Variants in CCDC93 observed in about 807,000 individuals in gnomAD.
CCDC93 encodes the protein CCC complex scaffolding subunit CCDC93.
A neutral mutation model predicts 108.2 loss-of-function variants in CCDC93; 61 were observed. That is an observed-to-expected ratio of 0.56 (90% CI 0.46 to 0.70). The LOEUF (loss-of-function observed/expected upper bound fraction) is 0.70. CCDC93 is among the 30% of genes least tolerant of loss of function. CCDC93 has a pLI of 0.00. For synonymous variants in CCDC93, 276 were observed against 260.4 expected (o/e 1.06, Z -0.58); for missense variants, 685 against 764.2 (o/e 0.90, Z 1.22).
chr2:117,962,773 T>C (rs894080112), intron 11 of CCDC93, among the ~76,000 whole-genome samples: 1 of 152,252 alleles, frequency 6.6e-6, no homozygotes, highest in Non-Finnish European at 1.5e-5. Flanking sequence ...AATCCAGGAA[T>C]GTATATGTAC....
chr2:117,951,942 T>C (rs1679069444), intron 13 of CCDC93, among the ~76,000 whole-genome samples: 2 of 152,276 alleles, frequency 1.3e-5, no homozygotes, highest in Middle Eastern at 3.4e-3. Flanking sequence ...TGAACAATTA[T>C]ATCACTCTGA....
intron 23 of CCDC93, among the ~76,000 whole-genome samples, chr2:117,923,441 T>C (rs1490914536): frequency 6.6e-6 from 1 of 152,200 alleles, no homozygotes; most frequent in Non-Finnish European, 1.5e-5. Flanking sequence ...TCCAACGGTC[T>C]TAGCAAATGG....
chr2:117,954,467 T>C (rs1679156277), intron 12 of CCDC93, among the ~76,000 whole-genome samples: 1 of 152,198 alleles, frequency 6.6e-6, no homozygotes, highest in African/African-American at 2.4e-5. Flanking sequence ...CTGATCATCT[T>C]TTCTTAAATA....
rs1456601466 is a variant in CCDC93 at position 117,996,257 on chromosome 2, T to C, written c.462+7A>G. ...GTGGGACAAGAAAATAAAATCACAATACTGACCTCAGGGAGACTGTAAGTC... is the reference window on the plus strand; with the variant it reads ...GTGGGACAAGAAAATAAAATCACAACACTGACCTCAGGGAGACTGTAAGTC... On this transcript the variant is annotated splice_region_variant and intron_variant, in intron 5 of 23. Coordinates refer to ENST00000376300, the MANE Select transcript of CCDC93 (RefSeq NM_019044.5). 1 of 1,571,428 alleles carries C rather than the reference T, an allele frequency of 6.4e-7. No individual in the cohort carries two copies. The highest frequency in any genetic ancestry group is 8.8e-7 in the Non-Finnish European group (1 of 1,141,404).
intron 12 of CCDC93, among the ~76,000 whole-genome samples, chr2:117,958,115 G>C (rs1028201843): frequency 1.3e-5 from 2 of 152,172 alleles, no homozygotes; most frequent in African/African-American, 4.8e-5. Flanking sequence ...GGGCTGGATA[G>C]TAAATATTTT....
At chr2:117,986,546 C>A (rs1019976447) in intron 6 of CCDC93, among the ~76,000 whole-genome samples, 2 of 152,128 alleles carry the variant, frequency 1.3e-5, no homozygotes, top group African/African-American at 2.4e-5. Flanking sequence ...GGGTTTACTG[C>A]ATCTAATCAT....
chr2:117,936,387 T>A (rs2104722351), intron 21 of CCDC93: 1 of 251,480 alleles, frequency 4.0e-6, no homozygotes, highest in Admixed American at 5.1e-5. Flanking sequence ...TTTTAAAGCA[T>A]CTCTATGTGT....
chr2:117,960,710 A>G (rs1679364752), intron 11 of CCDC93, among the ~76,000 whole-genome samples: 1 of 152,212 alleles, frequency 6.6e-6, no homozygotes, highest in Non-Finnish European at 1.5e-5. Flanking sequence ...CTCAATTTTG[A>G]GCCACATGCT....
intron 7 of CCDC93, among the ~76,000 whole-genome samples, chr2:117,984,036 T>A (rs896562493): frequency 6.6e-6 from 1 of 152,214 alleles, no homozygotes; most frequent in African/African-American, 2.4e-5. Flanking sequence ...TTATAGTTTA[T>A]GACCTTAAGA....
At chr2:117,936,213 G>A (rs1254267031) in intron 21 of CCDC93, among the ~76,000 whole-genome samples, 1 of 152,072 alleles carries the variant, frequency 6.6e-6, no homozygotes, top group Non-Finnish European at 1.5e-5. Flanking sequence ...CAAGTCCTGG[G>A]GCTGCTGGAT....
chr2:117,997,303 A>G (rs1680685308), intron 4 of CCDC93: 1 of 152,212 alleles, frequency 6.6e-6, no homozygotes. Flanking sequence ...GTAAGGGTGT[A>G]AAGTGTAAAA....
intron 4 of CCDC93, chr2:117,997,582 T>G (rs1450956965): frequency 6.6e-6 from 1 of 152,234 alleles, no homozygotes; most frequent in East Asian, 1.9e-4. Context: ...AGCACATGTT[T>G]AGGAAATAGC....
At chr2:117,990,722 T>A (rs1488202110) in intron 6 of CCDC93, among the ~76,000 whole-genome samples, 1 of 151,730 alleles carries the variant, frequency 6.6e-6, no homozygotes, top group Admixed American at 6.6e-5. Context: ...TATGGAGGTA[T>A]CTTTATTGGC....
Position 117,973,998 on chromosome 2 carries a change from C to A in CCDC93, c.802-4G>T, listed in dbSNP as rs761155968. On this transcript the variant is annotated splice_region_variant and splice_polypyrimidine_tract_variant and intron_variant, in intron 10 of 23. Coordinates refer to ENST00000376300, the MANE Select transcript of CCDC93 (RefSeq NM_019044.5). The stretch of plus-strand genomic sequence containing the variant: ...CGGAGCTTGCGGTGAGACGGCTCTG[C>A]AAGTATATGGAGGGAATGTTCTCAA... 2 of 1,593,510 alleles carry A rather than the reference C, an allele frequency of 1.3e-6. No individual in the cohort carries two copies. Among genetic ancestry groups the A allele is most frequent in the Non-Finnish European group, 1.7e-6 (2 of 1,165,202 alleles).
chr2:117,923,310 G>A (rs1289981865), intron 23 of CCDC93, among the ~76,000 whole-genome samples: 1 of 152,132 alleles, frequency 6.6e-6, no homozygotes, highest in Non-Finnish European at 1.5e-5. Context: ...GCCGAGGCAG[G>A]GTGAGGCATC....
At chr2:117,965,296 A>C in intron 11 of CCDC93, among the ~76,000 whole-genome samples, 1 of 152,054 alleles carries the variant, frequency 6.6e-6, no homozygotes, top group East Asian at 1.9e-4. Flanking sequence ...ACATTTTTTG[A>C]GTTGGGCAGG....
intron 12 of CCDC93, among the ~76,000 whole-genome samples, chr2:117,953,015 A>G (rs1365840825): frequency 2.0e-5 from 3 of 152,246 alleles, no homozygotes; most frequent in African/African-American, 7.2e-5. Context: ...GAAAAAGTCA[A>G]TTCCCTTTCT....
At chr2:117,938,964 T>C in intron 20 of CCDC93, 65 bp downstream of exon 20, 1 of 841,386 alleles carries the variant, frequency 1.2e-6, no homozygotes, top group South Asian at 1.5e-5. Flanking sequence ...TCAAGTTCAT[T>C]TGACTTCCTG....
chr2:117,968,312 A>G (rs772974343), intron 11 of CCDC93, among the ~76,000 whole-genome samples: 22 of 152,204 alleles, frequency 1.4e-4, no homozygotes, highest in Non-Finnish European at 2.9e-4. Context: ...CAGGCATTTC[A>G]GTTTTCTGTA....
Sources: gnomAD v4.1 joint callset for allele counts (sites outside exome capture counted in the v4.1 genomes callset) on GRCh38, gnomAD v4.1.1 for gene constraint, MANE v1.5 for transcripts, NCBI Gene and HGNC (gene_info 2026-07-23, HGNC 2026-07-21) for gene names.